EFCAB6: variants seen among roughly 807,000 people sequenced by gnomAD.
The protein encoded by EFCAB6 is EF-hand calcium binding domain 6, also known as EF-hand calcium-binding domain-containing protein 6.
A neutral mutation model predicts 169.8 loss-of-function variants in EFCAB6; 156 were observed. The ratio of observed to expected loss-of-function variants is 0.92; its 90% CI spans 0.81 to 1.05. EFCAB6 has a LOEUF of 1.05. EFCAB6 is among the 50% of genes least tolerant of loss of function. The pLI, the probability that EFCAB6 is intolerant of heterozygous loss-of-function variation, is 0.00. For synonymous variants in EFCAB6, 698 were observed against 676.4 expected (o/e 1.03, Z -0.50); for missense variants, 1,800 against 1,829.1 (o/e 0.98, Z 0.29).
At position 43,672,141 on chromosome 22, in the gene EFCAB6, TA is replaced by T; in HGVS notation, c.1480-9del. The T allele has an allele frequency of 6.2e-7, 1 of 1,612,804 alleles. No homozygotes were observed. The highest frequency in any genetic ancestry group is 8.5e-7 in the Non-Finnish European group (1 of 1,179,572). ...ATGAACAATTTCTTCCACCTAACAT[TA>T]AAAAACAAACATATTTCCTAAGCCA... On this transcript the variant is annotated splice_polypyrimidine_tract_variant and intron_variant, in intron 14 of 31. Coordinates refer to ENST00000262726, the MANE Select transcript of EFCAB6 (RefSeq NM_022785.4).
chr22:43,682,582 G>A (rs962120147), intron 12 of EFCAB6, among the ~76,000 whole-genome samples: 1 of 152,184 alleles, frequency 6.6e-6, no homozygotes, highest in Non-Finnish European at 1.5e-5. Flanking sequence ...GGGCAGCCCT[G>A]ACCAGTGCTG....
In EFCAB6 at chr22:43,567,124, CTCCTCG is replaced by C; in HGVS notation, c.3420+9167_3420+9172del. Among the ~76,000 whole-genome samples, 3 of 132,990 alleles carry C rather than the reference CTCCTCG, an allele frequency of 2.3e-5. 1 individual carries two copies. The highest frequency in any genetic ancestry group is 8.0e-5 in the Admixed American group (1 of 12,460). The allele number at this position is 132,990 out of a possible 152,430, so 87.2% of individuals were successfully genotyped here. ...TTAGGTCATCCTCCTCCTCATCATC[CTCCTCG>C]TCCTCCTCATCATCCTCCTCGTCCT... On this transcript the variant is annotated intron_variant, in intron 26 of 31. Transcript: ENST00000262726.
At chr22:43,751,843 T>C (rs1194472656) in intron 6 of EFCAB6, among the ~76,000 whole-genome samples, 1 of 152,204 alleles carries the variant, frequency 6.6e-6, no homozygotes, top group Non-Finnish European at 1.5e-5. Context: ...TTCTCTCAGC[T>C]TCCTTCCATA....
chr22:43,713,695 G>A (rs367892406), intron 9 of EFCAB6, among the ~76,000 whole-genome samples: 2 of 152,168 alleles, frequency 1.3e-5, no homozygotes, highest in Non-Finnish European at 2.9e-5. Flanking sequence ...TTATGGTGGC[G>A]CTGTTTGGGT....
At chr22:43,711,185 T>C (rs1234531581) in intron 10 of EFCAB6, among the ~76,000 whole-genome samples, 1 of 152,188 alleles carries the variant, frequency 6.6e-6, no homozygotes, top group Non-Finnish European at 1.5e-5. Context: ...GTTCTTATTT[T>C]TTAGAGAGAG....
chr22:43,717,743 T>C (rs1239308400), intron 8 of EFCAB6, among the ~76,000 whole-genome samples: 1 of 152,138 alleles, frequency 6.6e-6, no homozygotes, highest in African/African-American at 2.4e-5. Flanking sequence ...AATCCTTTTC[T>C]AGAGTTTTGT....
chr22:43,801,062 A>C (rs2062692069), intron 2 of EFCAB6, among the ~76,000 whole-genome samples: 1 of 152,158 alleles, frequency 6.6e-6, no homozygotes, highest in Non-Finnish European at 1.5e-5. Context: ...AACTAGAGAG[A>C]ATCCTAAAAA....
intron 26 of EFCAB6, among the ~76,000 whole-genome samples, chr22:43,567,902 C>A (rs1347441674): frequency 6.6e-6 from 1 of 152,204 alleles, no homozygotes; most frequent in African/African-American, 2.4e-5. Context: ...GACTGTTTGA[C>A]TCCGAAGCCA....
chr22:43,626,178 C>T (rs1569271933), intron 20 of EFCAB6, among the ~76,000 whole-genome samples: 2 of 151,952 alleles, frequency 1.3e-5, no homozygotes, highest in South Asian at 2.1e-4. Flanking sequence ...GTCACACACA[C>T]GTATGTAAGT....
rs765634074 is a variant in EFCAB6 at position 43,744,878 on chromosome 22, C to T, written c.508-8885G>A. On this transcript the variant is annotated intron_variant, in intron 6 of 31. Transcript: ENST00000262726. The surrounding 1 kb of genome is among the most constrained non-coding windows in gnomAD (Gnocchi z 4.3). ...AGCCAGTGAGCAGGCCCTACCCACT[C>T]CAGGGCCCTCGGGCTTGGAGGAGCT... Among the ~76,000 whole-genome samples, 1 of 152,160 alleles carries T rather than the reference C, an allele frequency of 6.6e-6. No homozygotes were observed. The highest frequency in any genetic ancestry group is 1.5e-5 in the Non-Finnish European group (1 of 68,028).
At chr22:43,613,374 C>T (rs1037306656) in intron 21 of EFCAB6, among the ~76,000 whole-genome samples, 8 of 151,826 alleles carry the variant, frequency 5.3e-5, no homozygotes, top group African/African-American at 1.7e-4. Context: ...TGCCCATGAA[C>T]GGTAGACTGG....
chr22:43,761,017 A>C (rs938848152), intron 5 of EFCAB6, among the ~76,000 whole-genome samples: 5 of 152,204 alleles, frequency 3.3e-5, no homozygotes, highest in African/African-American at 1.2e-4. Context: ...ACAAAATATC[A>C]GCCTTCTTGA....
At chr22:43,657,233 T>C (rs925965419) in intron 17 of EFCAB6, among the ~76,000 whole-genome samples, 1 of 152,130 alleles carries the variant, frequency 6.6e-6, no homozygotes, top group Non-Finnish European at 1.5e-5. Context: ...AGGTGGAGGC[T>C]GTAGTGAGTT....
chr22:43,614,294 A>G (rs1408451622), intron 21 of EFCAB6, among the ~76,000 whole-genome samples: 4 of 152,116 alleles, frequency 2.6e-5, no homozygotes, highest in Non-Finnish European at 5.9e-5. Flanking sequence ...CAAGTAGACC[A>G]ATGGAACACA....
chr22:43,810,956 A>T (rs2063092939), intron 1 of EFCAB6, among the ~76,000 whole-genome samples: 1 of 152,192 alleles, frequency 6.6e-6, no homozygotes, highest in Admixed American at 6.5e-5. Context: ...TGGATAAAAG[A>T]CATGAACTGT....
At chr22:43,568,318 C>T (rs185916595) in intron 26 of EFCAB6, among the ~76,000 whole-genome samples, 1 of 152,318 alleles carries the variant, frequency 6.6e-6, no homozygotes, top group African/African-American at 2.4e-5. Context: ...CTGGTAACAT[C>T]TGTATTTTGG....
At chr22:43,738,483 A>ACACACACATGCACATATACT (rs2060249470) in intron 6 of EFCAB6, among the ~76,000 whole-genome samples, 1 of 150,102 alleles carries the variant, frequency 6.7e-6, no homozygotes, top group Non-Finnish European at 1.5e-5. Context: ...ATATATTCAC[A>ACACACACATGCACATATACT]CACACACATG....
At position 43,528,876 on chromosome 22, in the gene EFCAB6, A is replaced by G. The variant is rs746425656; in HGVS notation, c.4483T>C (p.Phe1495Leu). 5 of 1,611,206 alleles carry G rather than the reference A, an allele frequency of 3.1e-6. No homozygotes were observed. Among genetic ancestry groups the G allele is most frequent in the Non-Finnish European group, 3.4e-6 (4 of 1,177,800 alleles). The change falls in exon 32 of 32, where the codon TTC becomes CTC. Residue 1495 changes from phenylalanine (F) to leucine (L), a missense_variant. Phe to Leu is a conservative substitution (Grantham distance 22). Coordinates refer to ENST00000262726, the MANE Select transcript of EFCAB6 (RefSeq NM_022785.4). The part of the protein sequence containing the change: ...TLSSKISYND[F>L]LRAFLQ The stretch of plus-strand genomic sequence containing the variant: ...GTCTACTGGAGGAATGCCCGGAGGA[A>G]GTCGTTGTAGGAGATTTTTGAAGAC...
intron 19 of EFCAB6, among the ~76,000 whole-genome samples, chr22:43,630,189 T>C (rs768578238): frequency 6.6e-6 from 1 of 152,276 alleles, no homozygotes; most frequent in South Asian, 2.1e-4. Context: ...TTGAGACCCG[T>C]GCTTTGTCCA....
Sources: allele counts gnomAD v4.1 joint callset (sites outside exome capture counted in the v4.1 genomes callset), GRCh38; gene constraint gnomAD v4.1.1; non-coding constraint Gnocchi (gnomAD v3.1); transcripts MANE v1.5; gene names NCBI Gene and HGNC (gene_info 2026-07-23, HGNC 2026-07-21).